Variants in RABEP1 observed in about 807,000 individuals in gnomAD.
RABEP1 encodes the protein rab GTPase-binding effector protein 1.
In RABEP1, 51 loss-of-function variants were observed where a neutral mutation model predicts 123.4. The observed-to-expected ratio is 0.41, with a 90% CI of 0.33 to 0.52. The LOEUF is 0.52. RABEP1 is among the 20% of genes least tolerant of loss of function. The pLI, the probability that RABEP1 is intolerant of heterozygous loss-of-function variation, is 0.16. For synonymous variants in RABEP1, 347 were observed against 355.2 expected (o/e 0.98, Z 0.26); for missense variants, 888 against 996.3 (o/e 0.89, Z 1.46).
At chr17:5,307,586 C>G (rs1268329813) in intron 1 of RABEP1, among the ~76,000 whole-genome samples, 1 of 152,002 alleles carries the variant, frequency 6.6e-6, no homozygotes, top group African/African-American at 2.4e-5. Flanking sequence ...ACCGATATCC[C>G]CTAAAGGGAT....
chr17:5,315,910 T>C lies in RABEP1; in HGVS notation c.163+7088T>C, dbSNP rs183795574. Among the ~76,000 whole-genome samples the C allele has an allele frequency of 9.6e-4, 146 of 151,550 alleles. 1 individual carries two copies. Among genetic ancestry groups the C allele is most frequent in the African/African-American group, 3.4e-3 (141 of 41,012 alleles). On this transcript the variant is annotated intron_variant, in intron 2 of 17. Coordinates refer to ENST00000537505, the MANE Select transcript of RABEP1 (RefSeq NM_004703.6). ...ATACCTTGACACATCTTTTGTAAGA[T>C]AGAACATCAAGAATCAAAAGAAAAT...
At chr17:5,292,344 C>T (rs2075041387) in intron 1 of RABEP1, among the ~76,000 whole-genome samples, 1 of 151,480 alleles carries the variant, frequency 6.6e-6, no homozygotes, top group Middle Eastern at 3.2e-3. Context: ...TTTTTGTGTG[C>T]ATTGCCTCAT....
In RABEP1 at chr17:5,344,740, C is replaced by G. The variant is rs543747661; in HGVS notation, c.649-2050C>G. Among the ~76,000 whole-genome samples the G allele has an allele frequency of 2.4e-3, 317 of 133,178 alleles. 1 individual carries two copies. The highest frequency in any genetic ancestry group is 0.019 in the Middle Eastern group (4 of 216). The allele number at this position is 133,178 out of a possible 152,430, so 87.4% of individuals were successfully genotyped here. A position where few individuals can be genotyped will look rare whatever the true frequency, so the allele number is the denominator to read the frequency against. ...TGTGCCGAGATCGTGCCTCTGCACT[C>G]CAGCCTGGGTGACAGAGCAAGACAC... On this transcript the variant is annotated intron_variant, in intron 5 of 17. Transcript: ENST00000537505.
At chr17:5,375,073 G>C (rs1165931802) in intron 13 of RABEP1, among the ~76,000 whole-genome samples, 1 of 149,736 alleles carries the variant, frequency 6.7e-6, no homozygotes, top group Non-Finnish European at 1.5e-5. Context: ...CACCGTGCCT[G>C]TCCTATCCAA....
At chr17:5,308,846 A>C (rs1423864920) in intron 2 of RABEP1, 24 bp downstream of exon 2, 1 of 1,567,328 alleles carries the variant, frequency 6.4e-7, no homozygotes, top group South Asian at 1.2e-5. Context: ...TCTCGCACCA[A>C]CTTCAATGCG....
At chr17:5,303,113 T>A (rs2075150334) in intron 1 of RABEP1, among the ~76,000 whole-genome samples, 1 of 152,206 alleles carries the variant, frequency 6.6e-6, no homozygotes, top group African/African-American at 2.4e-5. Context: ...ATATAATTTT[T>A]GTGTAGCTCA....
intron 1 of RABEP1, among the ~76,000 whole-genome samples, chr17:5,308,288 C>T (rs1192071980): frequency 2.0e-5 from 3 of 148,670 alleles, no homozygotes; most frequent in Non-Finnish European, 3.0e-5. Context: ...TGCAGTGGTG[C>T]GATCTCGGCC....
At chr17:5,320,434 AAAAAAAAAAAG>A (rs2075342742) in intron 2 of RABEP1, among the ~76,000 whole-genome samples, 3 of 148,804 alleles carry the variant, frequency 2.0e-5, no homozygotes, top group South Asian at 4.2e-4. Context: ...AAAAAAAAAA[AAAAAAAAAAAG>A]AAAAAGAAAC....
At chr17:5,373,172 G>A in intron 12 of RABEP1, 142 bp from the exon 13 acceptor site, 1 of 643,882 alleles carries the variant, frequency 1.6e-6, no homozygotes, top group Non-Finnish European at 2.4e-6. Flanking sequence ...TCTCTGTGCA[G>A]CTTTTTCTAA....
chr17:5,302,294 G>A (rs2075142470), intron 1 of RABEP1, among the ~76,000 whole-genome samples: 1 of 139,900 alleles, frequency 7.1e-6, no homozygotes, highest in Non-Finnish European at 1.5e-5. Flanking sequence ...AGGCTGGAGG[G>A]CAGTTGTGCG....
chr17:5,295,420 T>C (rs1468298850), intron 1 of RABEP1, among the ~76,000 whole-genome samples: 1 of 151,886 alleles, frequency 6.6e-6, no homozygotes, highest in Non-Finnish European at 1.5e-5. Context: ...TTTAATGGTA[T>C]GTAACAATAG....
At chr17:5,373,691 TAAACACACACAC>T (rs1910719013) in intron 13 of RABEP1, among the ~76,000 whole-genome samples, 1 of 63,406 alleles carries the variant, frequency 1.6e-5, no homozygotes, top group Non-Finnish European at 3.8e-5. Flanking sequence ...CTACACCAGC[TAAACACACACAC>T]ACACACACAC....
chr17:5,365,504 C>CT (rs1273205831), intron 11 of RABEP1, among the ~76,000 whole-genome samples: 2 of 151,960 alleles, frequency 1.3e-5, no homozygotes, highest in Non-Finnish European at 2.9e-5. Flanking sequence ...TCCTGCTGCA[C>CT]TGGAAACTTG....
At chr17:5,328,893 C>T (rs1166856175) in intron 2 of RABEP1, among the ~76,000 whole-genome samples, 1 of 150,978 alleles carries the variant, frequency 6.6e-6, no homozygotes, top group Non-Finnish European at 1.5e-5. Flanking sequence ...AGAGGTTGCG[C>T]CACTGCACTC....
intron 12 of RABEP1, among the ~76,000 whole-genome samples, chr17:5,370,557 C>G (rs761772481): frequency 1.3e-5 from 2 of 152,020 alleles, no homozygotes; most frequent in Non-Finnish European, 2.9e-5. Flanking sequence ...TTTAAGAATC[C>G]GGCCAATTGC....
chr17:5,304,086 A>G (rs556555282), intron 1 of RABEP1, among the ~76,000 whole-genome samples: 1 of 152,102 alleles, frequency 6.6e-6, no homozygotes, highest in South Asian at 2.1e-4. Flanking sequence ...TGTAAGAGGA[A>G]CGTAGTAGTA....
intron 1 of RABEP1, among the ~76,000 whole-genome samples, chr17:5,302,258 T>TTTTTTTTTTTTTTA (rs2075141953): frequency 6.7e-6 from 1 of 148,986 alleles, no homozygotes; most frequent in African/African-American, 2.5e-5. Context: ...TTTTTTTTTT[T>TTTTTTTTTTTTTTA]GAGATGGAGT....
intron 7 of RABEP1, among the ~76,000 whole-genome samples, chr17:5,351,225 T>G (rs1426019358): frequency 6.6e-6 from 1 of 152,174 alleles, no homozygotes; most frequent in Non-Finnish European, 1.5e-5. Flanking sequence ...GAGCACTGCA[T>G]ATTCAGGTTC....
intron 2 of RABEP1, among the ~76,000 whole-genome samples, chr17:5,312,274 G>A (rs1189650858): frequency 6.6e-6 from 1 of 152,130 alleles, no homozygotes; most frequent in Admixed American, 6.5e-5. Flanking sequence ...TTAGCCTCCC[G>A]AGTAGCAGGG....
Sources: gnomAD v4.1 joint callset for allele counts (sites outside exome capture counted in the v4.1 genomes callset) on GRCh38, gnomAD v4.1.1 for gene constraint, MANE v1.5 for transcripts, NCBI Gene and HGNC (gene_info 2026-07-23, HGNC 2026-07-21) for gene names.